SEMA6D: variants seen among roughly 807,000 people sequenced by gnomAD.
SEMA6D encodes the protein semaphorin 6D.
In SEMA6D, 35 loss-of-function variants were observed where a neutral mutation model predicts 106.6. The ratio of observed to expected loss-of-function variants is 0.33; its 90% CI spans 0.25 to 0.44. The LOEUF is 0.44. Ranked by LOEUF, SEMA6D falls within the 20% of genes least tolerant of loss-of-function variation. The pLI is 1.00. For synonymous variants in SEMA6D, 499 were observed against 487.7 expected, an observed-to-expected ratio of 1.02 and a Z score of -0.31; for missense variants, 1,185 against 1,345.9, an observed-to-expected ratio of 0.88 and a Z score of 1.87.
chr15:47,762,394 C>T, intron 8 of SEMA6D, 75 bp downstream of exon 8: 1 of 1,536,750 alleles, frequency 6.5e-7, no homozygotes. Context: ...CCACGGCCAT[C>T]AAGAGGTTCA....
chr15:47,675,285 C>A (rs2078220190), intron 4 of SEMA6D, among the ~76,000 whole-genome samples: 1 of 152,082 alleles, frequency 6.6e-6, no homozygotes, highest in Non-Finnish European at 1.5e-5. Context: ...CAGAATGTGA[C>A]CATATTTGGA....
At chr15:47,660,158 C>G (rs1461949744) in intron 4 of SEMA6D, among the ~76,000 whole-genome samples, 1 of 150,372 alleles carries the variant, frequency 6.7e-6, no homozygotes, top group Non-Finnish European at 1.5e-5. Context: ...AAGTGTCTGC[C>G]TTAGATATGT....
At chr15:47,652,072 A>G (rs1162550109) in intron 4 of SEMA6D, among the ~76,000 whole-genome samples, 1 of 152,228 alleles carries the variant, frequency 6.6e-6, no homozygotes, top group Non-Finnish European at 1.5e-5. Flanking sequence ...ATTTTTTGCC[A>G]TACATAATAT....
At chr15:47,288,638 G>A (rs1167428813) in intron 1 of SEMA6D, among the ~76,000 whole-genome samples, 1 of 152,138 alleles carries the variant, frequency 6.6e-6, no homozygotes, top group South Asian at 2.1e-4. Context: ...GTGAATGAAT[G>A]CATGAATTCA....
intron 3 of SEMA6D, among the ~76,000 whole-genome samples, chr15:47,476,275 G>C (rs1458944070): frequency 2.0e-5 from 3 of 152,114 alleles, no homozygotes; most frequent in South Asian, 2.1e-4. Context: ...AGGTTGGGAA[G>C]GGATATGTTT....
upstream of SEMA6D, chr15:47,717,066 C>G (rs59986227): frequency 0.18 from 28,045 of 152,128 alleles, 3,173 homozygotes; most frequent in Non-Finnish European, 0.25. Flanking sequence ...CCTCTGGGTT[C>G]TGGAGGAAAG....
At chr15:47,619,345 A>G (rs2077060113) in intron 4 of SEMA6D, among the ~76,000 whole-genome samples, 1 of 152,234 alleles carries the variant, frequency 6.6e-6, no homozygotes, top group African/African-American at 2.4e-5. Context: ...CTCCACACCC[A>G]TAGCTGACAT....
chr15:47,683,824 A>G (rs565311007), intron 4 of SEMA6D, among the ~76,000 whole-genome samples: 2 of 152,314 alleles, frequency 1.3e-5, no homozygotes, highest in East Asian at 3.9e-4. Context: ...TGACTGCACA[A>G]TGGGAAGACA....
intron 1 of SEMA6D, among the ~76,000 whole-genome samples, chr15:47,232,320 A>C (rs1452968274): frequency 6.6e-6 from 1 of 151,962 alleles, no homozygotes; most frequent in African/African-American, 2.4e-5. Flanking sequence ...ATTTGTGGTG[A>C]ATTTTTTTGT....
chr15:47,409,261 GGA>G (rs767748662), intron 1 of SEMA6D, among the ~76,000 whole-genome samples: 63 of 152,204 alleles, frequency 4.1e-4, no homozygotes, highest in Admixed American at 3.1e-3. Context: ...AGGAAATGTG[GGA>G]GAGAGCCCCA....
chr15:47,190,105 T>G (rs934722883), intron 1 of SEMA6D, among the ~76,000 whole-genome samples: 5 of 152,220 alleles, frequency 3.3e-5, no homozygotes, highest in African/African-American at 1.2e-4. Context: ...CCTTTTGATC[T>G]CCAAAGGCTC....
At chr15:47,296,572 T>A (rs551335830) in intron 1 of SEMA6D, among the ~76,000 whole-genome samples, 11 of 152,324 alleles carry the variant, frequency 7.2e-5, no homozygotes, top group African/African-American at 2.6e-4. Flanking sequence ...GAAAAACAGT[T>A]TATATGCCTG....
At chr15:47,744,958 G>T (rs1320486997) in intron 1 of SEMA6D, among the ~76,000 whole-genome samples, 1 of 152,206 alleles carries the variant, frequency 6.6e-6, no homozygotes, top group Non-Finnish European at 1.5e-5. Flanking sequence ...ACCGAGGCTG[G>T]AAGAGGCAAG....
chr15:47,286,509 G>A (rs1298131928), intron 1 of SEMA6D, among the ~76,000 whole-genome samples: 1 of 152,108 alleles, frequency 6.6e-6, no homozygotes, highest in Non-Finnish European at 1.5e-5. Flanking sequence ...AATATTCCAT[G>A]TGAAGAGTGG....
At chr15:47,454,598 T>TACAC (rs1567091195) in intron 2 of SEMA6D, among the ~76,000 whole-genome samples, 2 of 66,910 alleles carry the variant, frequency 3.0e-5, no homozygotes, top group African/African-American at 2.3e-4. Flanking sequence ...CTTGCACATG[T>TACAC]GCACACACAC....
At chr15:47,475,902 T>G (rs1169430307) in intron 3 of SEMA6D, among the ~76,000 whole-genome samples, 1 of 152,154 alleles carries the variant, frequency 6.6e-6, no homozygotes. Flanking sequence ...TGGCTAAAGA[T>G]CAGAAAGAAT....
intron 1 of SEMA6D, among the ~76,000 whole-genome samples, chr15:47,320,416 T>G (rs1198223309): frequency 2.2e-5 from 3 of 138,072 alleles, no homozygotes; most frequent in African/African-American, 9.0e-5. Context: ...CTGTTCCTTA[T>G]TTTATCAGTG....
At chr15:47,521,303 C>T (rs547580422) in intron 3 of SEMA6D, among the ~76,000 whole-genome samples, 110 of 152,266 alleles carry the variant, frequency 7.2e-4, no homozygotes, top group African/African-American at 2.4e-3. Flanking sequence ...TCAGGCTCCA[C>T]GGAACCTTGT....
chr15:47,673,511 G>A (rs1013153010), intron 4 of SEMA6D, among the ~76,000 whole-genome samples: 2 of 152,124 alleles, frequency 1.3e-5, no homozygotes, highest in Admixed American at 6.5e-5. Context: ...CAGAATGACC[G>A]GGCAGGTCCA....
Sources: gnomAD v4.1 joint callset for allele counts (sites outside exome capture counted in the v4.1 genomes callset) on GRCh38, gnomAD v4.1.1 for gene constraint, MANE v1.5 for transcripts, NCBI Gene and HGNC (gene_info 2026-07-23, HGNC 2026-07-21) for gene names.